NAV3: variants seen among roughly 807,000 people sequenced by gnomAD.
The protein encoded by NAV3 is pore membrane and/or filament interacting like protein 1.
In NAV3, 87 loss-of-function variants were observed where a neutral mutation model predicts 244.7. The ratio of observed to expected loss-of-function variants is 0.36; its 90% CI spans 0.30 to 0.42. The LOEUF (loss-of-function observed/expected upper bound fraction) is 0.42, where lower values mean the gene tolerates loss of function less well. NAV3 is among the 20% of genes least tolerant of loss of function. The pLI is 1.00. For synonymous variants in NAV3, 1,126 were observed against 1,042.2 expected (o/e 1.08, Z -1.55); for missense variants, 2,663 against 2,893.3 (o/e 0.92, Z 1.83).
intron 2 of NAV3, among the ~76,000 whole-genome samples, chr12:77,823,049 C>T (rs561110792): frequency 3.9e-5 from 6 of 152,122 alleles, no homozygotes; most frequent in African/African-American, 1.4e-4. Context: ...CAATACAGGA[C>T]AATGGTTCCT....
At chr12:78,156,915 G>C (rs1344407953) in intron 22 of NAV3, among the ~76,000 whole-genome samples, 1 of 152,112 alleles carries the variant, frequency 6.6e-6, no homozygotes, top group Non-Finnish European at 1.5e-5. Context: ...CAAAACCCAT[G>C]TAAAGCAAAA....
intron 1 of NAV3, among the ~76,000 whole-genome samples, chr12:77,882,022 T>C (rs1339849500): frequency 6.6e-6 from 1 of 152,096 alleles, no homozygotes; most frequent in Admixed American, 6.6e-5. Flanking sequence ...AAAGATGCAA[T>C]GCTATTCCTA....
rs1204113712 is a variant in NAV3 at position 77,968,604 on chromosome 12, G to A, written c.573G>A (p.Gln191=). The A allele has an allele frequency of 6.2e-7, 1 of 1,614,120 alleles. No individual in the cohort carries two copies. Among genetic ancestry groups the A allele is most frequent in the South Asian group, 1.1e-5 (1 of 91,086 alleles). Residue 191 remains glutamine (Q), a synonymous_variant, in exon 5 of 40, where the codon CAG becomes CAA. Transcript: ENST00000397909. The part of the protein sequence containing the change: ...RYKQQQHHQQ[Q]YYQSLVELQQ... ...AGCAGCAACAACACCATCAACAACA[G>A]TACTATCAGTCCTTGGTGGAACTTC...
chr12:77,820,506 A>G (rs1872694633), intron 2 of NAV3, among the ~76,000 whole-genome samples: 1 of 152,194 alleles, frequency 6.6e-6, no homozygotes, highest in East Asian at 1.9e-4. Context: ...ATCACTTTCC[A>G]AAGGCCACAA....
chr12:78,069,342 T>TTCACAGAG (rs1952635877), intron 12 of NAV3, among the ~76,000 whole-genome samples: 1 of 151,972 alleles, frequency 6.6e-6, no homozygotes, highest in South Asian at 2.1e-4. Context: ...TTAATGAAAA[T>TTCACAGAG]TCACAGAGTA....
intron 2 of NAV3, among the ~76,000 whole-genome samples, chr12:77,733,389 G>T (rs1432836352): frequency 6.6e-6 from 1 of 151,982 alleles, no homozygotes; most frequent in Admixed American, 6.6e-5. Flanking sequence ...GATATTATTT[G>T]TGTGATCTGG....
At chr12:78,042,946 A>G (rs1157202416) in intron 9 of NAV3, among the ~76,000 whole-genome samples, 1 of 149,524 alleles carries the variant, frequency 6.7e-6, no homozygotes, top group Non-Finnish European at 1.5e-5. Context: ...TTTTTTTTTT[A>G]TTTTACTTTA....
intron 6 of NAV3, among the ~76,000 whole-genome samples, chr12:77,995,347 G>T (rs1007642126): frequency 6.6e-6 from 1 of 151,992 alleles, no homozygotes; most frequent in Non-Finnish European, 1.5e-5. Context: ...TAATTTTTTT[G>T]CTTCTTTATG....
intron 2 of NAV3, among the ~76,000 whole-genome samples, chr12:77,594,242 G>GTCT (rs1565729175): frequency 6.6e-6 from 1 of 151,836 alleles, no homozygotes; most frequent in Non-Finnish European, 1.5e-5. Context: ...GAAGTATCTG[G>GTCT]TCTTCTGTAT....
At chr12:78,021,901 T>C in intron 9 of NAV3, 39 bp downstream of exon 9, 1 of 1,314,064 alleles carries the variant, frequency 7.6e-7, no homozygotes, top group Non-Finnish European at 1.1e-6. Flanking sequence ...AACCTAGGAA[T>C]TTCCGTATTC....
intron 2 of NAV3, among the ~76,000 whole-genome samples, chr12:77,815,496 G>T (rs1413285415): frequency 6.6e-6 from 1 of 152,068 alleles, no homozygotes; most frequent in Admixed American, 6.6e-5. Flanking sequence ...TGCAGGCTAA[G>T]GGTCTCTACT....
intron 2 of NAV3, among the ~76,000 whole-genome samples, chr12:77,689,816 C>G (rs1165838533): frequency 1.3e-5 from 2 of 151,714 alleles, no homozygotes; most frequent in East Asian, 3.9e-4. Context: ...ATATTTAGTA[C>G]TACTAGAATT....
chr12:77,609,586 C>G (rs914197660), intron 2 of NAV3, among the ~76,000 whole-genome samples: 2 of 152,030 alleles, frequency 1.3e-5, no homozygotes, highest in African/African-American at 4.8e-5. Flanking sequence ...GGCCCGATCC[C>G]TGAGTTGCTG....
chr12:78,144,738 A>G (rs390793), intron 20 of NAV3, among the ~76,000 whole-genome samples: 52,046 of 150,914 alleles, frequency 0.34, 9,259 homozygotes, highest in East Asian at 0.48. Context: ...TTAAAAATAC[A>G]TGAATTATTT....
At chr12:77,922,208 A>G (rs1212424258) in intron 1 of NAV3, among the ~76,000 whole-genome samples, 1 of 152,130 alleles carries the variant, frequency 6.6e-6, no homozygotes, top group African/African-American at 2.4e-5. Context: ...CTACCTTGGT[A>G]TGGTTCCCTG....
chr12:77,792,783 T>C (rs1399926451), intron 2 of NAV3, among the ~76,000 whole-genome samples: 7 of 152,196 alleles, frequency 4.6e-5, no homozygotes, highest in Admixed American at 3.9e-4. Flanking sequence ...TATGGGTGTT[T>C]CCCTTAAAAT....
intron 2 of NAV3, among the ~76,000 whole-genome samples, chr12:77,655,792 G>T (rs1474372941): frequency 6.6e-6 from 1 of 152,000 alleles, no homozygotes; most frequent in East Asian, 1.9e-4. Flanking sequence ...AAGAGAGTGG[G>T]GGCCAATATT....
chr12:78,133,126 A>G (rs1008759122), intron 18 of NAV3, among the ~76,000 whole-genome samples: 10 of 152,228 alleles, frequency 6.6e-5, no homozygotes, highest in African/African-American at 2.4e-4. Context: ...ATTTTCACCC[A>G]TTGGAAGGTA....
chr12:78,090,999 T>A (rs1032116766), intron 12 of NAV3, among the ~76,000 whole-genome samples: 57 of 142,556 alleles, frequency 4.0e-4, no homozygotes, highest in African/African-American at 1.1e-3. Flanking sequence ...TGTGTGTGTG[T>A]GAATATGTCC....
Sources: gnomAD v4.1 joint callset for allele counts (sites outside exome capture counted in the v4.1 genomes callset) on GRCh38, gnomAD v4.1.1 for gene constraint, MANE v1.5 for transcripts, NCBI Gene and HGNC (gene_info 2026-07-23, HGNC 2026-07-21) for gene names.